The following ROBO2 variants were observed in gnomAD, a reference collection of about 807,000 sequenced individuals.
ROBO2 encodes roundabout guidance receptor 2, also known as roundabout homolog 2.
In ROBO2, 53 loss-of-function variants were observed where a neutral mutation model predicts 160.8. The ratio of observed to expected loss-of-function variants is 0.33; its 90% CI spans 0.26 to 0.41. The LOEUF (loss-of-function observed/expected upper bound fraction) is 0.41. Ranked by LOEUF, ROBO2 falls within the 10% of genes least tolerant of loss-of-function variation. The probability of loss-of-function intolerance (pLI) is 1.00; values close to 1 mark genes in which losing one functional copy is unlikely to be tolerated. For synonymous variants in ROBO2, 664 were observed against 611.7 expected (o/e 1.09, Z -1.26); for missense variants, 1,577 against 1,722.4 (o/e 0.92, Z 1.49).
At chr3:76,547,399 CAT>C (rs1159555106) in intron 2 of ROBO2, among the ~76,000 whole-genome samples, 2 of 151,780 alleles carry the variant, frequency 1.3e-5, no homozygotes, top group African/African-American at 2.4e-5. Flanking sequence ...TATAACACCA[CAT>C]GTTTTACAAA....
intron 2 of ROBO2, among the ~76,000 whole-genome samples, chr3:76,011,469 C>G (rs554178505): frequency 2.2e-4 from 34 of 152,246 alleles, no homozygotes; most frequent in Non-Finnish European, 4.6e-4. Flanking sequence ...GATGGGAATC[C>G]GGCCACATCC....
At chr3:77,387,280 A>T (rs1313606075) in intron 2 of ROBO2, among the ~76,000 whole-genome samples, 2 of 149,504 alleles carry the variant, frequency 1.3e-5, no homozygotes. Context: ...AGGCAGGAGG[A>T]TTGCCTCAGG....
intron 2 of ROBO2, chr3:75,964,972 G>A: frequency 6.6e-6 from 1 of 151,310 alleles, no homozygotes; most frequent in Non-Finnish European, 1.5e-5. Context: ...TATTTTTTCT[G>A]TTTATTTTTA....
chr3:77,638,374 C>T (rs1269253762), intron 24 of ROBO2, among the ~76,000 whole-genome samples: 1 of 152,092 alleles, frequency 6.6e-6, no homozygotes, highest in Non-Finnish European at 1.5e-5. Context: ...ACTGGGATAC[C>T]ATCATTTCTG....
At chr3:76,731,984 A>G (rs2093644321) in intron 2 of ROBO2, among the ~76,000 whole-genome samples, 1 of 152,190 alleles carries the variant, frequency 6.6e-6, no homozygotes, top group Non-Finnish European at 1.5e-5. Context: ...ACAAATTTCC[A>G]TGCAGCCAGG....
intron 2 of ROBO2, among the ~76,000 whole-genome samples, chr3:77,446,338 G>A (rs2080508385): frequency 6.6e-6 from 1 of 152,026 alleles, no homozygotes; most frequent in Admixed American, 6.6e-5. Context: ...ATATGATAAT[G>A]TTTTGCAATA....
chr3:76,892,573 C>T (rs749070274), intron 2 of ROBO2, among the ~76,000 whole-genome samples: 7 of 152,132 alleles, frequency 4.6e-5, no homozygotes, highest in Non-Finnish European at 5.9e-5. Flanking sequence ...CCTGGTCCAA[C>T]GTAACGAACA....
At chr3:76,380,360 A>C (rs2076556587) in intron 2 of ROBO2, among the ~76,000 whole-genome samples, 1 of 152,186 alleles carries the variant, frequency 6.6e-6, no homozygotes, top group African/African-American at 2.4e-5. Context: ...ATAGAGATGA[A>C]TAAAATTTGG....
At chr3:77,641,798 C>G (rs887653077) in intron 24 of ROBO2, among the ~76,000 whole-genome samples, 1 of 151,708 alleles carries the variant, frequency 6.6e-6, no homozygotes, top group Admixed American at 6.6e-5. Context: ...ATTTCACAGT[C>G]GAAGGCATAC....
chr3:76,919,124 C>T (rs1414366904), intron 2 of ROBO2, among the ~76,000 whole-genome samples: 4 of 152,074 alleles, frequency 2.6e-5, no homozygotes, highest in Non-Finnish European at 5.9e-5. Context: ...GTACAGCAAA[C>T]CACCATGGCA....
chr3:76,482,973 A>G (rs1362309879), intron 2 of ROBO2, among the ~76,000 whole-genome samples: 1 of 152,170 alleles, frequency 6.6e-6, no homozygotes, highest in Non-Finnish European at 1.5e-5. Context: ...CAACATCCTC[A>G]AATTAATATT....
At chr3:76,295,708 T>C (rs930762236) in intron 2 of ROBO2, among the ~76,000 whole-genome samples, 3 of 152,202 alleles carry the variant, frequency 2.0e-5, no homozygotes, top group East Asian at 1.9e-4. Context: ...AACATTAAAA[T>C]GGATGACTTC....
intron 2 of ROBO2, among the ~76,000 whole-genome samples, chr3:77,016,026 G>C (rs1234760441): frequency 6.6e-6 from 1 of 151,606 alleles, no homozygotes; most frequent in East Asian, 1.9e-4. Flanking sequence ...GCCCAGGCTG[G>C]AGTGCTGTGG....
At chr3:76,291,701 C>G (rs1459775714) in intron 2 of ROBO2, among the ~76,000 whole-genome samples, 1 of 152,066 alleles carries the variant, frequency 6.6e-6, no homozygotes, top group Non-Finnish European at 1.5e-5. Context: ...AGCTGTGTCC[C>G]AGAGATTTTG....
intron 1 of ROBO2, among the ~76,000 whole-genome samples, chr3:77,069,945 C>A (rs2149827765): frequency 6.6e-6 from 1 of 152,232 alleles, no homozygotes; most frequent in African/African-American, 2.4e-5. Context: ...GAAATAAGGT[C>A]TTTACAGAGA....
At chr3:76,389,609 TA>T (rs539837167) in intron 2 of ROBO2, among the ~76,000 whole-genome samples, 9 of 152,052 alleles carry the variant, frequency 5.9e-5, no homozygotes, top group South Asian at 2.1e-4. Flanking sequence ...GTGTTACTGA[TA>T]AAAAAAAGTA....
chr3:76,124,393 T>G lies in ROBO2; in HGVS notation c.109+186791T>G, dbSNP rs866053904. 2.6e-5 allele frequency among the ~76,000 whole-genome samples: 4 copies of G among 152,170 alleles called. No individual in the cohort carries two copies. The Middle Eastern group carries it at 0.01, about 388-fold the overall frequency. ...CTATACTCCTTATATGCCCTAAAGT[T>G]TCCTTTTAGGAACAATTGTTATGGT... On this transcript the variant is annotated intron_variant, in intron 2 of 26. Transcript: ENST00000487694.
intron 2 of ROBO2, among the ~76,000 whole-genome samples, chr3:77,414,533 T>C (rs2077056329): frequency 6.6e-6 from 1 of 152,104 alleles, no homozygotes. Context: ...GAAAAATTAA[T>C]GATACAGCAG....
chr3:77,162,513 G>A (rs1055100210), intron 2 of ROBO2, among the ~76,000 whole-genome samples: 1 of 152,146 alleles, frequency 6.6e-6, no homozygotes, highest in Non-Finnish European at 1.5e-5. Flanking sequence ...TAAGATCCAA[G>A]AAATACCATT....
Sources: gnomAD v4.1 joint callset for allele counts (sites outside exome capture counted in the v4.1 genomes callset) on GRCh38, gnomAD v4.1.1 for gene constraint, MANE v1.5 for transcripts, NCBI Gene and HGNC (gene_info 2026-07-23, HGNC 2026-07-21) for gene names.